FRMD3: variants seen among roughly 807,000 people sequenced by gnomAD.
FRMD3 encodes the protein FERM domain-containing protein 3.
In FRMD3, 33 loss-of-function variants were observed where a neutral mutation model predicts 70.2. The observed-to-expected ratio is 0.47, with a 90% CI of 0.36 to 0.63. The LOEUF (loss-of-function observed/expected upper bound fraction) is 0.63. FRMD3 is among the 20% of genes least tolerant of loss of function. The probability of loss-of-function intolerance (pLI) is 0.00; values close to 1 mark genes in which losing one functional copy is unlikely to be tolerated. For missense variants in FRMD3, 632 were observed against 711.4 expected (o/e 0.89, Z 1.27); for synonymous variants, 279 against 255.9 (o/e 1.09, Z -0.86).
At chr9:83,354,423 T>C (rs1232236673) in intron 3 of FRMD3, among the ~76,000 whole-genome samples, 1 of 152,170 alleles carries the variant, frequency 6.6e-6, no homozygotes, top group Non-Finnish European at 1.5e-5. Context: ...ACACTGCATG[T>C]TCTCACTTAG....
chr9:83,546,473 T>C, the FRMD3 span, among the ~76,000 whole-genome samples: 1 of 152,188 alleles, frequency 6.6e-6, no homozygotes, highest in Non-Finnish European at 1.5e-5. Flanking sequence ...CTAAGGGAAT[T>C]TGATGCCACT....
At position 83,479,666 on chromosome 9, in the gene FRMD3, A is replaced by C. The variant is rs1828496667; in HGVS notation, c.147+58419T>G. On this transcript the variant is annotated intron_variant, in intron 1 of 13. Coordinates refer to ENST00000304195, the MANE Select transcript of FRMD3 (RefSeq NM_174938.6). ...AAGGAAGGAAGGAAGGAAGGAAGGA[A>C]GGAAGGAAAGAAAGAAAGAAAGAAA... Among the ~76,000 whole-genome samples the C allele has an allele frequency of 3.4e-5, 2 of 59,290 alleles. 1 individual carries two copies. Among genetic ancestry groups the C allele is most frequent in the Non-Finnish European group, 6.3e-5 (2 of 31,632 alleles). The allele number at this position is 59,290 out of a possible 152,430, so 38.9% of individuals were successfully genotyped here. A position where few individuals can be genotyped will look rare whatever the true frequency, so the allele number is the denominator to read the frequency against.
intron 1 of FRMD3, among the ~76,000 whole-genome samples, chr9:83,513,951 A>G (rs1441675061): frequency 6.6e-6 from 1 of 152,152 alleles, no homozygotes; most frequent in Admixed American, 6.5e-5. Context: ...CACTTTTCCC[A>G]TGGTCTTCAC....
At chr9:83,298,727 C>A (rs1398320406) in intron 12 of FRMD3, 21 bp downstream of exon 12, 3 of 1,608,408 alleles carry the variant, frequency 1.9e-6, no homozygotes, top group Non-Finnish European at 2.6e-6. Context: ...CACCTGGAAC[C>A]CACAGTGATC....
At chr9:83,513,439 A>G (rs995922051) in intron 1 of FRMD3, among the ~76,000 whole-genome samples, 4 of 152,208 alleles carry the variant, frequency 2.6e-5, no homozygotes, top group African/African-American at 9.6e-5. Context: ...GTTTATAATT[A>G]TTATCAAAGA....
intron 3 of FRMD3, among the ~76,000 whole-genome samples, chr9:83,351,414 A>G (rs10867997): frequency 0.1 from 15,381 of 151,692 alleles, 1,241 homozygotes; most frequent in East Asian, 0.44. Flanking sequence ...TTCTTAACTG[A>G]GATGAGTGCT....
At chr9:83,493,311 A>G (rs929257865) in intron 1 of FRMD3, among the ~76,000 whole-genome samples, 1 of 152,198 alleles carries the variant, frequency 6.6e-6, no homozygotes, top group Non-Finnish European at 1.5e-5. Context: ...GGAAATGAGG[A>G]GCTCAATATC....
At chr9:83,450,240 C>T (rs1827606597) in intron 1 of FRMD3, among the ~76,000 whole-genome samples, 1 of 152,036 alleles carries the variant, frequency 6.6e-6, no homozygotes, top group South Asian at 2.1e-4. Context: ...GACACACACA[C>T]ACACATGCAG....
At chr9:83,536,897 C>G (rs1308074171) in intron 1 of FRMD3, among the ~76,000 whole-genome samples, 4 of 139,574 alleles carry the variant, frequency 2.9e-5, no homozygotes, top group Non-Finnish European at 6.0e-5. Flanking sequence ...CACTCACCTC[C>G]CACTGACATG....
At chr9:83,290,821 A>G in intron 12 of FRMD3, 94 bp from the exon 13 acceptor site, 7 of 1,328,462 alleles carry the variant, frequency 5.3e-6, no homozygotes, top group East Asian at 2.3e-5. Flanking sequence ...TTTTGTGTCT[A>G]CAGGGAACTA....
intron 1 of FRMD3, among the ~76,000 whole-genome samples, chr9:83,492,532 C>T (rs994699269): frequency 1.4e-4 from 22 of 152,156 alleles, no homozygotes; most frequent in African/African-American, 3.9e-4. Flanking sequence ...CCCCTGGGGC[C>T]AGGGCAGGCA....
At chr9:83,288,555 A>T (rs994132085) in intron 13 of FRMD3, among the ~76,000 whole-genome samples, 1 of 152,246 alleles carries the variant, frequency 6.6e-6, no homozygotes, top group Non-Finnish European at 1.5e-5. Context: ...TAATTTTATT[A>T]GATATCGATA....
intron 10 of FRMD3, among the ~76,000 whole-genome samples, chr9:83,301,101 A>G (rs967587577): frequency 1.3e-5 from 2 of 152,200 alleles, no homozygotes; most frequent in Non-Finnish European, 2.9e-5. Flanking sequence ...AAAATGGTAC[A>G]GGACCCCTGA....
intron 1 of FRMD3, among the ~76,000 whole-genome samples, chr9:83,445,589 G>C (rs1056610679): frequency 6.6e-6 from 1 of 152,160 alleles, no homozygotes; most frequent in African/African-American, 2.4e-5. Flanking sequence ...ACTTAGGAAG[G>C]ATGCCTCCTT....
chr9:83,508,212 AC>A (rs1310341664), intron 1 of FRMD3, among the ~76,000 whole-genome samples: 1 of 152,200 alleles, frequency 6.6e-6, no homozygotes, highest in East Asian at 1.9e-4. Context: ...AAGTTCAACA[AC>A]AGGAAGCACT....
intron 1 of FRMD3, among the ~76,000 whole-genome samples, chr9:83,454,492 C>A (rs898215445): frequency 2.0e-5 from 3 of 152,202 alleles, no homozygotes; most frequent in Non-Finnish European, 2.9e-5. Context: ...CGTATGAAGA[C>A]AAAATACCAG....
intron 6 of FRMD3, among the ~76,000 whole-genome samples, chr9:83,321,470 A>T (rs1369381588): frequency 2.6e-5 from 4 of 152,162 alleles, no homozygotes. Flanking sequence ...TTTAATTTAT[A>T]TGTATTGTAC....
the FRMD3 span, among the ~76,000 whole-genome samples, chr9:83,549,634 T>C: frequency 6.6e-6 from 1 of 152,234 alleles, no homozygotes; most frequent in African/African-American, 2.4e-5. Context: ...TTTTTAATAA[T>C]AGCCATTTTG....
At chr9:83,509,682 C>CGG (rs1829291850) in intron 1 of FRMD3, among the ~76,000 whole-genome samples, 1 of 152,196 alleles carries the variant, frequency 6.6e-6, no homozygotes, top group South Asian at 2.1e-4. Flanking sequence ...TCTCCCACAA[C>CGG]AAAACAGTTC....
Sources: allele counts gnomAD v4.1 joint callset (sites outside exome capture counted in the v4.1 genomes callset), GRCh38; gene constraint gnomAD v4.1.1; transcripts MANE v1.5; gene names NCBI Gene and HGNC (gene_info 2026-07-23, HGNC 2026-07-21).